The following RASAL2 variants were observed in gnomAD, a reference collection of about 807,000 sequenced individuals.
RASAL2 encodes ras GTPase-activating protein nGAP.
A neutral mutation model predicts 128.9 loss-of-function variants in RASAL2; 58 were observed. The observed-to-expected ratio is 0.45, with a 90% CI of 0.36 to 0.56. The LOEUF is 0.56. Ranked by LOEUF, RASAL2 falls within the 20% of genes least tolerant of loss-of-function variation. RASAL2 has a pLI of 0.00. For missense variants in RASAL2, 1,360 were observed against 1,601.6 expected, an observed-to-expected ratio of 0.85 and a Z score of 2.57; for synonymous variants, 561 against 580.8, an observed-to-expected ratio of 0.97 and a Z score of 0.49.
intron 4 of RASAL2, among the ~76,000 whole-genome samples, chr1:178,392,427 G>A (rs1672970852): frequency 6.6e-6 from 1 of 152,082 alleles, no homozygotes; most frequent in Non-Finnish European, 1.5e-5. Context: ...AAAGTATGTG[G>A]GCAAAAATCG....
intron 1 of RASAL2, among the ~76,000 whole-genome samples, chr1:178,097,164 A>G (rs1157081195): frequency 2.6e-5 from 4 of 152,182 alleles, no homozygotes; most frequent in East Asian, 1.9e-4. Context: ...AGAGGATACA[A>G]CTAGAAGCTT....
At chr1:178,415,147 T>TA (rs1296948984) in intron 4 of RASAL2, among the ~76,000 whole-genome samples, 2 of 152,124 alleles carry the variant, frequency 1.3e-5, no homozygotes, top group Non-Finnish European at 2.9e-5. Flanking sequence ...TTTTCTAAGA[T>TA]AGACACTTAG....
intron 4 of RASAL2, among the ~76,000 whole-genome samples, chr1:178,399,802 T>G (rs1373749739): frequency 1.3e-5 from 2 of 152,202 alleles, no homozygotes; most frequent in Non-Finnish European, 2.9e-5. Flanking sequence ...ATGCTGCAGG[T>G]CCTGTCTAGT....
intron 3 of RASAL2, among the ~76,000 whole-genome samples, chr1:178,300,350 T>C (rs1393059765): frequency 6.6e-6 from 1 of 152,252 alleles, no homozygotes; most frequent in Non-Finnish European, 1.5e-5. Context: ...GGTTGCTGTT[T>C]AGTCCTAGGC....
intron 3 of RASAL2, among the ~76,000 whole-genome samples, chr1:178,386,313 A>G (rs1049854734): frequency 2.6e-5 from 4 of 152,360 alleles, no homozygotes; most frequent in African/African-American, 7.2e-5. Context: ...CTCAAAGCAT[A>G]TAAACTCATT....
chr1:178,275,354 T>C (rs1433243493), intron 1 of RASAL2, among the ~76,000 whole-genome samples: 5 of 152,232 alleles, frequency 3.3e-5, no homozygotes, highest in Non-Finnish European at 5.9e-5. Flanking sequence ...GCAGGACTTA[T>C]TTCTTCAAGT....
chr1:178,394,842 A>T (rs1673119156), intron 4 of RASAL2, among the ~76,000 whole-genome samples: 1 of 152,198 alleles, frequency 6.6e-6, no homozygotes, highest in Non-Finnish European at 1.5e-5. Context: ...AAATAAATAC[A>T]CTAGAAAGAA....
At chr1:178,254,597 T>C (rs1217593499) in intron 1 of RASAL2, among the ~76,000 whole-genome samples, 6 of 152,208 alleles carry the variant, frequency 3.9e-5, no homozygotes, top group Admixed American at 2.0e-4. Flanking sequence ...AAACTGCTCC[T>C]GACCTCCCAC....
At chr1:178,326,852 T>C (rs1669064351) in intron 3 of RASAL2, among the ~76,000 whole-genome samples, 1 of 152,162 alleles carries the variant, frequency 6.6e-6, no homozygotes, top group African/African-American at 2.4e-5. Context: ...CCAATTTTGT[T>C]TTCCTTTCTA....
intron 1 of RASAL2, among the ~76,000 whole-genome samples, chr1:178,266,020 G>T (rs1323513479): frequency 1.3e-5 from 2 of 151,990 alleles, no homozygotes; most frequent in Non-Finnish European, 2.9e-5. Context: ...TTTTATTTTG[G>T]ATTGTTTCTA....
intron 3 of RASAL2, among the ~76,000 whole-genome samples, chr1:178,375,144 T>G (rs780137412): frequency 5.3e-5 from 8 of 152,276 alleles, no homozygotes; most frequent in Middle Eastern, 3.4e-3. Context: ...GAGATAGGGT[T>G]TAATCTGAAT....
chr1:178,327,597 C>T (rs1669097106), intron 3 of RASAL2, among the ~76,000 whole-genome samples: 1 of 152,164 alleles, frequency 6.6e-6, no homozygotes, highest in South Asian at 2.1e-4. Flanking sequence ...AGCAATCTAC[C>T]TGCATCAGCC....
chr1:178,143,097 C>A (rs1660593171), intron 1 of RASAL2, among the ~76,000 whole-genome samples: 1 of 151,904 alleles, frequency 6.6e-6, no homozygotes, highest in Non-Finnish European at 1.5e-5. Flanking sequence ...TTGGAAGGAA[C>A]ACATATTCAA....
intron 3 of RASAL2, among the ~76,000 whole-genome samples, chr1:178,325,966 C>T (rs1050349566): frequency 2.0e-5 from 3 of 152,072 alleles, no homozygotes; most frequent in Non-Finnish European, 4.4e-5. Flanking sequence ...TGGTGTGTGC[C>T]TGTAGTCCCA....
At chr1:178,449,918 TAAAAG>T (rs1425205695) in intron 9 of RASAL2, among the ~76,000 whole-genome samples, 2 of 152,112 alleles carry the variant, frequency 1.3e-5, no homozygotes, top group African/African-American at 4.8e-5. Context: ...ACATATAACC[TAAAAG>T]AAGTCACTAA....
chr1:178,162,410 AT>A (rs1424024075), intron 1 of RASAL2, among the ~76,000 whole-genome samples: 2 of 119,674 alleles, frequency 1.7e-5, no homozygotes, highest in East Asian at 4.2e-4. Context: ...TATTTTATAT[AT>A]TATATATAAT....
At chr1:178,114,524 T>G (rs544654577) in intron 1 of RASAL2, among the ~76,000 whole-genome samples, 6 of 119,464 alleles carry the variant, frequency 5.0e-5, no homozygotes, top group Non-Finnish European at 8.7e-5. Flanking sequence ...TTTTTGAGGT[T>G]TTTTTTTTTT....
intron 1 of RASAL2, among the ~76,000 whole-genome samples, chr1:178,139,079 G>A (rs1660438303): frequency 6.6e-6 from 1 of 151,998 alleles, no homozygotes; most frequent in African/African-American, 2.4e-5. Context: ...AGGTAATTGA[G>A]GGTGGTAAAA....
At chr1:178,275,417 C>T (rs142691627) in intron 1 of RASAL2, among the ~76,000 whole-genome samples, 19 of 152,276 alleles carry the variant, frequency 1.2e-4, no homozygotes, top group African/African-American at 3.9e-4. Flanking sequence ...TTGCATTTCA[C>T]GGCACATGTG....
Sources: gnomAD v4.1 joint callset for allele counts (sites outside exome capture counted in the v4.1 genomes callset) on GRCh38, gnomAD v4.1.1 for gene constraint, MANE v1.5 for transcripts, NCBI Gene and HGNC (gene_info 2026-07-23, HGNC 2026-07-21) for gene names.